Variants in CARMIL1 observed in about 807,000 individuals in gnomAD.
CARMIL1 encodes capping protein regulator and myosin 1 linker 1.
In CARMIL1, 90 loss-of-function variants were observed where a neutral mutation model predicts 177.1. The observed-to-expected ratio is 0.51, with a 90% CI of 0.43 to 0.61. The LOEUF is 0.61. Among genes scored for constraint, CARMIL1 ranks in the 20% least tolerant of loss-of-function variants. The pLI is 0.00. For synonymous variants in CARMIL1, 577 were observed against 606.2 expected, an observed-to-expected ratio of 0.95 and a Z score of 0.71; for missense variants, 1,380 against 1,667.0, an observed-to-expected ratio of 0.83 and a Z score of 3.00.
At chr6:25,334,225 G>A (rs1235672296) in intron 2 of CARMIL1, among the ~76,000 whole-genome samples, 2 of 152,176 alleles carry the variant, frequency 1.3e-5, no homozygotes, top group East Asian at 1.9e-4. Flanking sequence ...AGGCCATGGG[G>A]CCAGAGGCCT....
chr6:25,301,683 C>G (rs1310014561), intron 2 of CARMIL1, among the ~76,000 whole-genome samples: 3 of 152,134 alleles, frequency 2.0e-5, no homozygotes, highest in Non-Finnish European at 4.4e-5. Flanking sequence ...CCTGGCTGTG[C>G]CTCAGAAACA....
chr6:25,509,557 G>A lies in CARMIL1; in HGVS notation c.1396-99G>A. On this transcript the variant is annotated intron_variant, in intron 17 of 36. Transcript: ENST00000329474. The surrounding 1 kb of genome is among the most constrained non-coding windows in gnomAD (Gnocchi z 4.1). Reference sequence around the variant, plus strand: ...GCTTTTACTTTTTCTTTGGTACTAAGTTTATTTTAAGACTGACTGTCTCTC... The same window carrying A: ...GCTTTTACTTTTTCTTTGGTACTAAATTTATTTTAAGACTGACTGTCTCTC... 1.3e-6 allele frequency: 1 copy of A among 785,832 alleles called. No homozygotes were observed. 48.7% of individuals were successfully genotyped at this position (785,832 alleles called of 1,614,324 possible). A position where few individuals can be genotyped will look rare whatever the true frequency, so the allele number is the denominator to read the frequency against.
At chr6:25,348,643 G>A (rs950934711) in intron 2 of CARMIL1, among the ~76,000 whole-genome samples, 4 of 151,922 alleles carry the variant, frequency 2.6e-5, no homozygotes, top group South Asian at 4.2e-4. Context: ...TTAGCTGGGC[G>A]TGGCTGCGTG....
At chr6:25,391,297 C>T (rs375680784) in intron 2 of CARMIL1, among the ~76,000 whole-genome samples, 7 of 152,048 alleles carry the variant, frequency 4.6e-5, no homozygotes, top group African/African-American at 1.7e-4. Context: ...TTCCAGGGAA[C>T]GTTGATAATT....
chr6:25,607,983 A>G (rs1398182366), intron 35 of CARMIL1, among the ~76,000 whole-genome samples: 2 of 152,228 alleles, frequency 1.3e-5, no homozygotes, highest in African/African-American at 2.4e-5. Context: ...TCCATACACA[A>G]TGTTTTCATG....
rs200712748 is a variant in CARMIL1 at position 25,464,024 on chromosome 6, G to A, written c.615-1849G>A. On this transcript the variant is annotated intron_variant, in intron 8 of 36. Transcript: ENST00000329474. ...TTTTTAGTAGAGACGGGGTTTCACCGTTTTAGCCAGGATGGTCTCGATCTC... is the reference window on the plus strand; with the variant it reads ...TTTTTAGTAGAGACGGGGTTTCACCATTTTAGCCAGGATGGTCTCGATCTC... 2.8e-3 allele frequency among the ~76,000 whole-genome samples: 419 copies of A among 151,858 alleles called. 3 individuals are homozygous for A. In the East Asian group the frequency reaches 0.035, roughly 13 times the overall value.
intron 4 of CARMIL1, among the ~76,000 whole-genome samples, chr6:25,432,070 C>G (rs965956264): frequency 1.3e-5 from 2 of 152,182 alleles, no homozygotes; most frequent in Non-Finnish European, 2.9e-5. Flanking sequence ...TCCTCATTCT[C>G]CTCAAACACA....
intron 4 of CARMIL1, among the ~76,000 whole-genome samples, chr6:25,432,101 G>A (rs1313847641): frequency 6.6e-6 from 1 of 152,172 alleles, no homozygotes; most frequent in East Asian, 1.9e-4. Flanking sequence ...ACTTAGGACA[G>A]TTACAGTTCT....
In CARMIL1 at chr6:25,392,837, C is replaced by G. The variant is rs184573806; in HGVS notation, c.139-27277C>G. Among the ~76,000 whole-genome samples, 810 of 152,110 alleles carry G rather than the reference C, an allele frequency of 5.3e-3. 8 individuals are homozygous for G. The highest frequency in any genetic ancestry group is 0.012 in the African/African-American group (515 of 41,474). The stretch of plus-strand genomic sequence containing the variant: ...CATTTTAATAAAATTTAATTAAAAG[C>G]AATACCCCTCTTTATAATTACTGGA... On this transcript the variant is annotated intron_variant, in intron 2 of 36. Coordinates refer to ENST00000329474, the MANE Select transcript of CARMIL1 (RefSeq NM_017640.6).
chr6:25,543,459 A>G (rs1343811921), intron 26 of CARMIL1, among the ~76,000 whole-genome samples: 1 of 152,114 alleles, frequency 6.6e-6, no homozygotes, highest in Non-Finnish European at 1.5e-5. Flanking sequence ...TCAGAATGAC[A>G]ACACTCCCCT....
At chr6:25,332,742 T>TACACACACACACACACACACACACACAC (rs35133749) in intron 2 of CARMIL1, among the ~76,000 whole-genome samples, 1 of 140,086 alleles carries the variant, frequency 7.1e-6, no homozygotes, top group African/African-American at 2.7e-5. Flanking sequence ...CAAACATGCA[T>TACACACACACACACACACACACACACAC]ACACACACAC....
intron 2 of CARMIL1, among the ~76,000 whole-genome samples, chr6:25,363,306 A>G (rs1008654270): frequency 3.9e-5 from 6 of 152,170 alleles, no homozygotes; most frequent in Non-Finnish European, 8.8e-5. Flanking sequence ...TTATTTGACC[A>G]GGGACCATGT....
chr6:25,581,491 G>T (rs1458857822), intron 31 of CARMIL1, 52 bp downstream of exon 31: 1 of 1,500,784 alleles, frequency 6.7e-7, no homozygotes, highest in East Asian at 2.4e-5. Flanking sequence ...TTTCTTCTCT[G>T]GGGAAAGTTG....
intron 31 of CARMIL1, among the ~76,000 whole-genome samples, chr6:25,587,472 G>T (rs184973516): frequency 6.6e-6 from 1 of 152,062 alleles, no homozygotes; most frequent in Non-Finnish European, 1.5e-5. Context: ...TGCCTACGTC[G>T]TTGAGTTGTC....
At chr6:25,587,508 T>C (rs76088086) in intron 31 of CARMIL1, among the ~76,000 whole-genome samples, 2,954 of 152,304 alleles carry the variant, frequency 0.019, 80 homozygotes, top group African/African-American at 0.061. Flanking sequence ...GATAAAAATA[T>C]GCCATCCTTT....
chr6:25,340,383 G>A (rs2206195), intron 2 of CARMIL1, among the ~76,000 whole-genome samples: 76,690 of 152,104 alleles, frequency 0.5, 19,934 homozygotes, highest in African/African-American at 0.62. Flanking sequence ...CGTTTTGAGT[G>A]TAGAATATTC....
chr6:25,406,313 G>A (rs1794366068), intron 2 of CARMIL1, among the ~76,000 whole-genome samples: 1 of 152,176 alleles, frequency 6.6e-6, no homozygotes, highest in Non-Finnish European at 1.5e-5. Context: ...CAGAGGTGGG[G>A]CAGGAGCCCT....
chr6:25,540,104 A>G, intron 26 of CARMIL1, 26 bp downstream of exon 26: 1 of 1,566,788 alleles, frequency 6.4e-7, no homozygotes, highest in Non-Finnish European at 8.6e-7. Context: ...TATTTGGGAA[A>G]TGAAATTGTT....
chr6:25,428,726 C>T (rs722086), intron 4 of CARMIL1, among the ~76,000 whole-genome samples: 123,651 of 152,084 alleles, frequency 0.81, 50,532 homozygotes, highest in East Asian at 0.97. Context: ...TAGCTTTCAG[C>T]GTACTGGTCT....
Sources: allele counts gnomAD v4.1 joint callset (sites outside exome capture counted in the v4.1 genomes callset), GRCh38; gene constraint gnomAD v4.1.1; non-coding constraint Gnocchi (gnomAD v3.1); transcripts MANE v1.5; gene names NCBI Gene and HGNC (gene_info 2026-07-23, HGNC 2026-07-21).